PCDH11X: variants seen among roughly 807,000 people sequenced by gnomAD.
PCDH11X encodes protocadherin 11 X-linked, also known as protocadherin-11 X-linked.
Under a neutral mutation model 53.3 loss-of-function variants are expected in PCDH11X, and 18 were observed. That is an observed-to-expected ratio of 0.34 (90% CI 0.23 to 0.50). PCDH11X has a LOEUF of 0.50. Ranked by LOEUF, PCDH11X falls within the 20% of genes least tolerant of loss-of-function variation. PCDH11X has a pLI of 0.98. For synonymous variants in PCDH11X, 279 were observed against 393.3 expected (o/e 0.71, Z 3.44); for missense variants, 570 against 1,032.4 (o/e 0.55, Z 6.14).
chrX:92,050,485 A>G (rs758726148), intron 6 of PCDH11X, among the ~76,000 whole-genome samples: 1 of 108,833 alleles, frequency 9.2e-6, no homozygotes, highest in Non-Finnish European at 1.9e-5. Flanking sequence ...TTTTAAGAGT[A>G]TGGATTCTGG....
At chrX:91,924,186 A>G (rs1263378402) in intron 6 of PCDH11X, among the ~76,000 whole-genome samples, 2 of 108,342 alleles carry the variant, frequency 1.8e-5, no homozygotes, top group African/African-American at 6.7e-5. Flanking sequence ...TGCAGTAAGT[A>G]TTTTATCCTG....
intron 10 of PCDH11X, among the ~76,000 whole-genome samples, chrX:92,523,009 T>C (rs982542182): frequency 1.8e-5 from 2 of 111,441 alleles, no homozygotes; most frequent in Non-Finnish European, 3.8e-5. Context: ...AGATGGGCCA[T>C]TCAGAGAGTG....
intron 6 of PCDH11X, among the ~76,000 whole-genome samples, chrX:92,011,400 T>C (rs2062688442): frequency 8.9e-6 from 1 of 112,241 alleles, no homozygotes; most frequent in Non-Finnish European, 1.9e-5. Context: ...TTTGACTTTT[T>C]AATAATAGCC....
At chrX:92,353,233 G>A (rs914432132) in intron 8 of PCDH11X, among the ~76,000 whole-genome samples, 10 of 111,638 alleles carry the variant, frequency 9.0e-5, no homozygotes, top group Non-Finnish European at 1.5e-4. Context: ...TCTTCCTCTA[G>A]GATTTTTATT....
At chrX:92,613,518 C>T (rs1378131878) in intron 10 of PCDH11X, among the ~76,000 whole-genome samples, 2 of 94,621 alleles carry the variant, frequency 2.1e-5, no homozygotes, top group African/African-American at 8.3e-5. Flanking sequence ...CTCTAGTTGC[C>T]TTTAAGTTTT....
At chrX:92,435,313 T>C (rs1420136391) in intron 9 of PCDH11X, among the ~76,000 whole-genome samples, 1 of 110,954 alleles carries the variant, frequency 9.0e-6, no homozygotes, top group East Asian at 2.8e-4. Context: ...CTACTAATCA[T>C]TGACATCCCT....
chrX:92,534,938 A>G (rs928050487), intron 10 of PCDH11X, among the ~76,000 whole-genome samples: 4 of 111,591 alleles, frequency 3.6e-5, no homozygotes, highest in African/African-American at 1.3e-4. Flanking sequence ...AGTACCAGCC[A>G]CTACAAACAC....
At chrX:92,412,669 A>C (rs2071715072) in intron 9 of PCDH11X, among the ~76,000 whole-genome samples, 1 of 104,275 alleles carries the variant, frequency 9.6e-6, no homozygotes, top group Non-Finnish European at 2.0e-5. Flanking sequence ...ACAATCTTGC[A>C]TCTATAGTAC....
At chrX:92,332,364 T>A (rs2148506114) in intron 8 of PCDH11X, among the ~76,000 whole-genome samples, 1 of 110,355 alleles carries the variant, frequency 9.1e-6, no homozygotes, top group African/African-American at 3.4e-5. Context: ...TTTCCCAAAC[T>A]TTTACTTGTG....
At chrX:92,435,505 A>C (rs1294221280) in intron 9 of PCDH11X, among the ~76,000 whole-genome samples, 1 of 111,332 alleles carries the variant, frequency 9.0e-6, no homozygotes, top group Non-Finnish European at 1.9e-5. Context: ...TCTGAGGTCA[A>C]AATGAAAGAA....
intron 6 of PCDH11X, among the ~76,000 whole-genome samples, chrX:91,978,805 C>T (rs1054563904): frequency 8.9e-6 from 1 of 112,483 alleles, no homozygotes; most frequent in African/African-American, 3.2e-5. Context: ...CTAGACATCG[C>T]AGTTTGGTTT....
intron 6 of PCDH11X, among the ~76,000 whole-genome samples, chrX:92,051,444 A>C (rs2063365595): frequency 8.9e-6 from 1 of 111,744 alleles, no homozygotes; most frequent in Admixed American, 9.6e-5. Flanking sequence ...TTAAATTCCA[A>C]GCTGGTGGAA....
At chrX:91,790,941 G>T (rs1935509269) in intron 1 of PCDH11X, among the ~76,000 whole-genome samples, 1 of 105,166 alleles carries the variant, frequency 9.5e-6, no homozygotes, top group Admixed American at 1.0e-4. Flanking sequence ...TGGAATTCAT[G>T]TCTTAATTGT....
chrX:92,465,722 C>T lies in PCDH11X; in HGVS notation c.3344-2577C>T, dbSNP rs2750616. On this transcript the variant is annotated intron_variant, in intron 9 of 10. Transcript: ENST00000682573. ...GGAGATATTAAAATATGTGTGTATG[C>T]GATAATGTAGCATGTTTTGGTATTG... is the stretch of plus-strand genomic sequence containing the variant. 4.8e-3 allele frequency among the ~76,000 whole-genome samples: 532 copies of T among 110,894 alleles called. 8 individuals are homozygous for T. The highest frequency in any genetic ancestry group is 0.016 in the African/African-American group (498 of 30,545).
At chrX:92,609,443 A>G (rs1419629988) in intron 10 of PCDH11X, among the ~76,000 whole-genome samples, 2 of 110,996 alleles carry the variant, frequency 1.8e-5, no homozygotes, top group African/African-American at 6.5e-5. Context: ...TCTTTTAATC[A>G]CTCAAATAGA....
At chrX:92,501,421 C>G (rs1473136527) in intron 10 of PCDH11X, among the ~76,000 whole-genome samples, 1 of 110,623 alleles carries the variant, frequency 9.0e-6, no homozygotes, top group African/African-American at 3.3e-5. Context: ...AGAGATACAA[C>G]AAAAGAAAGA....
At chrX:91,828,902 A>G (rs1438062528) in intron 4 of PCDH11X, among the ~76,000 whole-genome samples, 1 of 111,087 alleles carries the variant, frequency 9.0e-6, no homozygotes, top group East Asian at 2.8e-4. Flanking sequence ...TTTACAGACC[A>G]TCAACTTGGA....
At chrX:92,318,686 G>T (rs934105464) in intron 8 of PCDH11X, among the ~76,000 whole-genome samples, 1 of 111,418 alleles carries the variant, frequency 9.0e-6, no homozygotes, top group African/African-American at 3.3e-5. Flanking sequence ...TTTCATGTCT[G>T]ATTACATAAA....
intron 8 of PCDH11X, among the ~76,000 whole-genome samples, chrX:92,307,773 C>G (rs2068863038): frequency 2.0e-5 from 2 of 98,432 alleles, no homozygotes; most frequent in Non-Finnish European, 4.1e-5. Context: ...GAAAGTTCTA[C>G]AAAATTCTTA....
Sources: gnomAD v4.1 joint callset for allele counts (sites outside exome capture counted in the v4.1 genomes callset) on GRCh38, gnomAD v4.1.1 for gene constraint, MANE v1.5 for transcripts, NCBI Gene and HGNC (gene_info 2026-07-23, HGNC 2026-07-21) for gene names.